The following ZFYVE9 variants were observed in gnomAD, a reference collection of about 807,000 sequenced individuals.
ZFYVE9 encodes the protein zinc finger FYVE domain-containing protein 9.
In ZFYVE9, 43 loss-of-function variants were observed where a neutral mutation model predicts 126.7. That is an observed-to-expected ratio of 0.34 (90% CI 0.27 to 0.44). ZFYVE9 has a LOEUF of 0.44. Ranked by LOEUF, ZFYVE9 falls within the 20% of genes least tolerant of loss-of-function variation. The pLI is 1.00. For synonymous variants in ZFYVE9, 521 were observed against 597.4 expected, an observed-to-expected ratio of 0.87 and a Z score of 1.87; for missense variants, 1,476 against 1,697.0, an observed-to-expected ratio of 0.87 and a Z score of 2.29.
At chr1:52,303,736 T>C in intron 12 of ZFYVE9, 85 bp from the exon 13 acceptor site, 1 of 806,480 alleles carries the variant, frequency 1.2e-6, no homozygotes, top group Non-Finnish European at 1.9e-6. Context: ...TTGACATTTT[T>C]TCCATTCGTG....
At chr1:52,168,269 T>C (rs1335977391) in intron 1 of ZFYVE9, among the ~76,000 whole-genome samples, 1 of 142,790 alleles carries the variant, frequency 7.0e-6, no homozygotes, top group Non-Finnish European at 1.5e-5. Flanking sequence ...CAGGCTGGAG[T>C]GCAATGGTGC....
chr1:52,336,134 T>TCAAAAAAA, intron 15 of ZFYVE9, among the ~76,000 whole-genome samples: 1 of 143,420 alleles, frequency 7.0e-6, no homozygotes, highest in East Asian at 2.0e-4. Context: ...ACTCTATCTT[T>TCAAAAAAA]AAAAAAAAAA....
At chr1:52,211,267 C>T (rs1333520987) in intron 1 of ZFYVE9, among the ~76,000 whole-genome samples, 1 of 152,142 alleles carries the variant, frequency 6.6e-6, no homozygotes, top group Non-Finnish European at 1.5e-5. Flanking sequence ...TAGATTTCAC[C>T]ACTCAGTTGA....
chr1:52,325,321 C>T (rs1039285406), intron 13 of ZFYVE9, among the ~76,000 whole-genome samples: 9 of 151,904 alleles, frequency 5.9e-5, no homozygotes, highest in African/African-American at 2.2e-4. Context: ...GAGCGAGACT[C>T]CATCTCTAAA....
intron 1 of ZFYVE9, among the ~76,000 whole-genome samples, chr1:52,188,735 G>T (rs190132534): frequency 3.2e-3 from 486 of 152,096 alleles, no homozygotes; most frequent in Middle Eastern, 6.8e-3. Context: ...CCAATGTTAA[G>T]GTCAGGCGGA....
chr1:52,325,437 C>T (rs899245376), intron 13 of ZFYVE9, among the ~76,000 whole-genome samples: 2 of 152,106 alleles, frequency 1.3e-5, no homozygotes, highest in Non-Finnish European at 2.9e-5. Context: ...GGAGGGTCAC[C>T]TGAGCCCCAG....
intron 15 of ZFYVE9, among the ~76,000 whole-genome samples, chr1:52,335,764 G>A (rs1305055805): frequency 1.3e-5 from 2 of 152,166 alleles, no homozygotes; most frequent in Non-Finnish European, 1.5e-5. Flanking sequence ...GACCATTTAT[G>A]GAAAATGTAG....
intron 12 of ZFYVE9, among the ~76,000 whole-genome samples, 179 bp downstream of exon 12, chr1:52,296,156 T>C (rs138812261): frequency 7.5e-4 from 114 of 151,356 alleles, no homozygotes; most frequent in African/African-American, 2.5e-3. Flanking sequence ...CACACACATA[T>C]ACATATATAT....
At chr1:52,166,514 T>A (rs1644515082) in intron 1 of ZFYVE9, among the ~76,000 whole-genome samples, 2 of 152,176 alleles carry the variant, frequency 1.3e-5, no homozygotes, top group African/African-American at 4.8e-5. Flanking sequence ...ACTTAATCAT[T>A]TTAAAATGTT....
intron 1 of ZFYVE9, among the ~76,000 whole-genome samples, chr1:52,161,797 A>T (rs993167836): frequency 1.3e-5 from 2 of 152,142 alleles, no homozygotes; most frequent in Non-Finnish European, 2.9e-5. Context: ...GAACTAATTT[A>T]TGTGTTACTG....
At chr1:52,307,349 C>T (rs1646094995) in intron 13 of ZFYVE9, among the ~76,000 whole-genome samples, 1 of 152,066 alleles carries the variant, frequency 6.6e-6, no homozygotes, top group Non-Finnish European at 1.5e-5. Flanking sequence ...AATTCTCCTA[C>T]CTGAGCCTCC....
intron 14 of ZFYVE9, among the ~76,000 whole-genome samples, chr1:52,334,398 C>T (rs891431864): frequency 4.5e-4 from 68 of 152,116 alleles, no homozygotes; most frequent in Non-Finnish European, 2.1e-4. Flanking sequence ...CTATAGCTTG[C>T]CAACCCCCTG....
chr1:52,198,120 G>GTTTTTT lies in ZFYVE9; in HGVS notation c.-142-18246_-142-18245insTTTTTT, dbSNP rs373096573. 1.2e-3 allele frequency among the ~76,000 whole-genome samples: 133 copies of GTTTTTT among 111,090 alleles called. 20 individuals are homozygous for GTTTTTT. The highest frequency in any genetic ancestry group is 1.3e-3 in the Non-Finnish European group (75 of 58,404). The allele number at this position is 111,090 out of a possible 152,430, so 72.9% of individuals were successfully genotyped here. ...AAATAATATTGTAGTGTTTTTTTTT[G>GTTTTTT]TTTGTTTTTTTTTTTTTTTGAGATG... On this transcript the variant is annotated intron_variant, in intron 1 of 18. Transcript: ENST00000287727.
At chr1:52,152,898 G>A (rs944605111) in intron 1 of ZFYVE9, among the ~76,000 whole-genome samples, 1 of 152,226 alleles carries the variant, frequency 6.6e-6, no homozygotes, top group Admixed American at 6.5e-5. Flanking sequence ...GGGATGGAAT[G>A]CCTATGAAAG....
chr1:52,288,707 T>C (rs1406239214), intron 10 of ZFYVE9, among the ~76,000 whole-genome samples: 1 of 152,006 alleles, frequency 6.6e-6, no homozygotes, highest in Non-Finnish European at 1.5e-5. Context: ...GGCAGATCAC[T>C]TGAGGTCGTG....
At chr1:52,227,135 C>G (rs1012469409) in intron 2 of ZFYVE9, among the ~76,000 whole-genome samples, 2 of 152,224 alleles carry the variant, frequency 1.3e-5, no homozygotes, top group African/African-American at 2.4e-5. Flanking sequence ...TCCATGTAAG[C>G]TGTAAGGAAA....
chr1:52,164,181 T>A (rs960489433), intron 1 of ZFYVE9, among the ~76,000 whole-genome samples: 1 of 151,756 alleles, frequency 6.6e-6, no homozygotes, highest in Non-Finnish European at 1.5e-5. Flanking sequence ...ATTTCTACAT[T>A]TATTGCTTAA....
chr1:52,288,201 C>T (rs2147823913), intron 10 of ZFYVE9, among the ~76,000 whole-genome samples: 1 of 152,302 alleles, frequency 6.6e-6, no homozygotes, highest in African/African-American at 2.4e-5. Flanking sequence ...TAAGATCACA[C>T]AGTTAGGTGA....
At position 52,288,925 on chromosome 1, in the gene ZFYVE9, C is replaced by CAAA. The variant is rs775138803; in HGVS notation, c.3026-4509_3026-4507dup. Among the ~76,000 whole-genome samples, 136 of 61,918 alleles carry CAAA rather than the reference C, an allele frequency of 2.2e-3. 3 individuals are homozygous for CAAA. The highest frequency in any genetic ancestry group is 6.3e-3 in the African/African-American group (114 of 18,234). The allele number at this position is 61,918 out of a possible 152,430, so 40.6% of individuals were successfully genotyped here. ...TGGGTGACAGAGCGAGACTCTGTCT[C>CAAA]AAAAAAAAAAAAAAAAAAAAAGAAA... is the stretch of plus-strand genomic sequence containing the variant. On this transcript the variant is annotated intron_variant, in intron 10 of 18. Coordinates refer to ENST00000287727, the MANE Select transcript of ZFYVE9 (RefSeq NM_004799.4).
Sources: gnomAD v4.1 joint callset for allele counts (sites outside exome capture counted in the v4.1 genomes callset) on GRCh38, gnomAD v4.1.1 for gene constraint, MANE v1.5 for transcripts, NCBI Gene and HGNC (gene_info 2026-07-23, HGNC 2026-07-21) for gene names.